The following SH2D1B variants were observed in gnomAD, a reference collection of about 807,000 sequenced individuals.
SH2D1B encodes the protein SH2 domain containing 1B.
A neutral mutation model predicts 16.3 loss-of-function variants in SH2D1B; 11 were observed. The ratio of observed to expected loss-of-function variants is 0.67; its 90% CI spans 0.42 to 1.11. The LOEUF is 1.11. Ranked by LOEUF, SH2D1B falls within the 50% of genes most tolerant of loss-of-function variation. The pLI is 0.00. For missense variants in SH2D1B, 123 were observed against 153.1 expected (o/e 0.80, Z 1.04); for synonymous variants, 55 against 56.1 (o/e 0.98, Z 0.09).
chr1:162,411,122 AT>A (rs1648785025), intron 1 of SH2D1B, among the ~76,000 whole-genome samples: 1 of 150,946 alleles, frequency 6.6e-6, no homozygotes, highest in African/African-American at 2.4e-5. Context: ...CACCAGGTTA[AT>A]TTTTGTATTT....
In SH2D1B at chr1:162,397,113, G is replaced by A. The variant is rs145559848; in HGVS notation, c.*167C>T. On this transcript the variant is annotated 3_prime_UTR_variant, in exon 4 of 4. Coordinates refer to ENST00000367929, the MANE Select transcript of SH2D1B (RefSeq NM_053282.5). ...GTATATGTCTGGGAGGCGGGGATGT[G>A]GAGAGTGACCTCTGGTGCTGGTGGG... 1.6e-3 allele frequency: 1,056 copies of A among 661,728 alleles called. 6 individuals are homozygous for A. The African/African-American group carries it at 0.017, about 11-fold the overall frequency. The allele number at this position is 661,728 out of a possible 1,614,324, so 41.0% of individuals were successfully genotyped here. A position where few individuals can be genotyped will look rare whatever the true frequency, so the allele number is the denominator to read the frequency against.
intron 1 of SH2D1B, 34 bp from the exon 2 acceptor site, chr1:162,402,836 T>C: frequency 6.6e-7 from 1 of 1,524,054 alleles, no homozygotes. Context: ...ATCAAAATGT[T>C]CTATGCAAAT....
chr1:162,402,593 G>A lies in SH2D1B; in HGVS notation c.198+146C>T, dbSNP rs1156564835. 3.2e-5 allele frequency: 20 copies of A among 627,378 alleles called. No individual in the cohort carries two copies. In the Admixed American group the frequency reaches 5.5e-4, roughly 17 times the overall value. The allele number at this position is 627,378 out of a possible 1,614,324, so 38.9% of individuals were successfully genotyped here. A position where few individuals can be genotyped will look rare whatever the true frequency, so the allele number is the denominator to read the frequency against. ...CTATTTCTCTTCAGGGAAAAACCAG[G>A]TTAACTCGATCTGACTCTCATCTCT... On this transcript the variant is annotated intron_variant, in intron 2 of 3. Transcript: ENST00000367929.
At position 162,398,988 on chromosome 1, in the gene SH2D1B, G is replaced by C. The variant is rs750620244; in HGVS notation, c.298C>G (p.Pro100Ala). The C allele has an allele frequency of 3.1e-6, 5 of 1,613,948 alleles. No homozygotes were observed. In the South Asian group the frequency reaches 5.5e-5, roughly 18 times the overall value. Residue 100 changes from proline to alanine, a missense_variant, in exon 3 of 4, where the codon CCA becomes GCA. Pro to Ala is a conservative substitution (Grantham distance 27, BLOSUM62 -1). Transcript: ENST00000367929. Reference protein sequence around the residue: ...NQGMVVHLLKPIKRTSPSLRW... With the variant: ...NQGMVVHLLKAIKRTSPSLRW... ...AAGCTGGGGCTGGTTCTCTTTATTG[G>C]CTTTAAAAGGTGAACCACCATCCCC...
intron 2 of SH2D1B, chr1:162,402,430 A>C (rs532520262): frequency 2.6e-5 from 5 of 193,414 alleles, no homozygotes; most frequent in Non-Finnish European, 5.3e-5. Context: ...AGGCAGGAGA[A>C]TCGCTTGAAC....
chr1:162,410,660 T>C (rs1046590726), intron 1 of SH2D1B, among the ~76,000 whole-genome samples: 1 of 149,662 alleles, frequency 6.7e-6, no homozygotes, highest in African/African-American at 2.4e-5. Flanking sequence ...CTTTTTCTTT[T>C]TTTTTTTTTT....
At position 162,399,017 on chromosome 1, in the gene SH2D1B, T is replaced by C; in HGVS notation, c.269A>G (p.Asn90Ser). The C allele has an allele frequency of 1.2e-6, 2 of 1,614,172 alleles. No individual in the cohort carries two copies. The highest frequency in any genetic ancestry group is 8.5e-7 in the Non-Finnish European group (1 of 1,180,010). ...KELISKFEKP[N>S]QGMVVHLLKP... The stretch of plus-strand genomic sequence containing the variant: ...TAAAAGGTGAACCACCATCCCCTGA[T>C]TTGGTTTTTCAAATTTGGAGATCAG... Residue 90 changes from asparagine to serine, a missense_variant, in exon 3 of 4, where the codon AAT becomes AGT. Coordinates refer to ENST00000367929, the MANE Select transcript of SH2D1B (RefSeq NM_053282.5).
chr1:162,397,671 C>G (rs1648414981), intron 3 of SH2D1B, among the ~76,000 whole-genome samples: 1 of 152,170 alleles, frequency 6.6e-6, no homozygotes, highest in Non-Finnish European at 1.5e-5. Context: ...AATTTTGGAG[C>G]CTGCTGTGTC....
rs374378328 is a variant in SH2D1B, at chr1:162,395,968, T to C, written c.*1312A>G. On this transcript the variant is annotated 3_prime_UTR_variant, in exon 4 of 4. Coordinates refer to ENST00000367929, the MANE Select transcript of SH2D1B (RefSeq NM_053282.5). Reference sequence around the variant, plus strand: ...GGTTTTAAGCAATTTCACGTATTTATTATAAAATGTATATAGAAGAATCAA... The same window carrying C: ...GGTTTTAAGCAATTTCACGTATTTACTATAAAATGTATATAGAAGAATCAA... 6 of 152,364 alleles carry C rather than the reference T, an allele frequency of 3.9e-5. No individual in the cohort carries two copies. In the East Asian group the frequency reaches 7.7e-4, roughly 20 times the overall value. 9.4% of individuals were successfully genotyped at this position (152,364 alleles called of 1,614,324 possible).
At position 162,396,223 on chromosome 1, in the gene SH2D1B, C is replaced by T. The variant is rs1453029112; in HGVS notation, c.*1057G>A. The T allele has an allele frequency of 1.3e-5, 2 of 152,186 alleles. No homozygotes were observed. Among genetic ancestry groups the T allele is most frequent in the African/African-American group, 4.8e-5 (2 of 41,444 alleles). The allele number at this position is 152,186 out of a possible 1,614,324, so 9.4% of individuals were successfully genotyped here. The stretch of plus-strand genomic sequence containing the variant: ...TCCAGTGGGGTGAAATACATTACTA[C>T]AATTTGATGATAGGTAAGAGAAAGG... On this transcript the variant is annotated 3_prime_UTR_variant, in exon 4 of 4. Transcript: ENST00000367929.
At position 162,397,213 on chromosome 1, in the gene SH2D1B, C is replaced by T. The variant is rs1209478936; in HGVS notation, c.*67G>A. The stretch of plus-strand genomic sequence containing the variant: ...GTTTGGTGCTCTGGACCTATGCCTG[C>T]AGAAGTGGGTCATCAGTGAGAACTG... On this transcript the variant is annotated 3_prime_UTR_variant, in exon 4 of 4. Coordinates refer to ENST00000367929, the MANE Select transcript of SH2D1B (RefSeq NM_053282.5). The T allele has an allele frequency of 2.6e-6, 4 of 1,566,602 alleles. No homozygotes were observed. Among genetic ancestry groups the T allele is most frequent in the Non-Finnish European group, 3.5e-6 (4 of 1,137,640 alleles).
chr1:162,400,595 T>A (rs1648491675), intron 2 of SH2D1B, among the ~76,000 whole-genome samples: 1 of 151,494 alleles, frequency 6.6e-6, no homozygotes, highest in Non-Finnish European at 1.5e-5. Context: ...GGAGCCACCA[T>A]GCCTGGCCCA....
intron 2 of SH2D1B, among the ~76,000 whole-genome samples, chr1:162,402,154 G>A (rs1648529897): frequency 6.6e-6 from 1 of 152,142 alleles, no homozygotes; most frequent in Non-Finnish European, 1.5e-5. Context: ...GGTTTTGCTT[G>A]GAGTCCAGGC....
intron 1 of SH2D1B, among the ~76,000 whole-genome samples, chr1:162,408,399 CTCTT>C (rs1648702145): frequency 6.8e-6 from 1 of 147,016 alleles, no homozygotes; most frequent in Non-Finnish European, 1.5e-5. Flanking sequence ...TTTTTAGCTT[CTCTT>C]TTTTTCTCTT....
Position 162,411,912 on chromosome 1 carries a change from C to A in SH2D1B, c.105G>T (p.Ser35=). 1 of 1,614,154 alleles carries A rather than the reference C, an allele frequency of 6.2e-7. No homozygotes were observed. The highest frequency in any genetic ancestry group is 8.5e-7 in the Non-Finnish European group (1 of 1,180,036). ...CACAGAGGCACAGGACTCCTGGTAT[C>A]GACTCGCTGTCTCTTAAAAGAAAGT... is the stretch of plus-strand genomic sequence containing the variant. The part of the protein sequence containing the change: ...DGNFLLRDSE[S]IPGVLCLCVS... Residue 35 remains serine (S), a synonymous_variant, in exon 1 of 4, where the codon TCG becomes TCT. Coordinates refer to ENST00000367929, the MANE Select transcript of SH2D1B (RefSeq NM_053282.5).
chr1:162,408,753 A>C (rs564748092), intron 1 of SH2D1B, among the ~76,000 whole-genome samples: 1 of 152,092 alleles, frequency 6.6e-6, no homozygotes, highest in South Asian at 2.1e-4. Flanking sequence ...CTTTAGATGA[A>C]TATGCAAGAT....
At chr1:162,405,637 T>C (rs1350604763) in intron 1 of SH2D1B, among the ~76,000 whole-genome samples, 4 of 152,250 alleles carry the variant, frequency 2.6e-5, no homozygotes, top group Non-Finnish European at 4.4e-5. Flanking sequence ...TGTGTGAGAC[T>C]GATACCCAGT....
At chr1:162,400,203 A>G (rs1022651805) in intron 2 of SH2D1B, among the ~76,000 whole-genome samples, 3 of 152,084 alleles carry the variant, frequency 2.0e-5, no homozygotes, top group Admixed American at 6.5e-5. Context: ...AAAAGTCCCA[A>G]TGTAAATAGA....
intron 2 of SH2D1B, 120 bp from the exon 3 acceptor site, chr1:162,399,207 G>A (rs1395183989): frequency 1.0e-6 from 1 of 965,426 alleles, no homozygotes; most frequent in Admixed American, 2.6e-5. Flanking sequence ...CTGAAAACAA[G>A]TGGCTGGAGC....
Sources: gnomAD v4.1 joint callset for allele counts (sites outside exome capture counted in the v4.1 genomes callset) on GRCh38, gnomAD v4.1.1 for gene constraint, MANE v1.5 for transcripts, NCBI Gene and HGNC (gene_info 2026-07-23, HGNC 2026-07-21) for gene names.